The following CGGBP1 variants were observed in gnomAD, a reference collection of about 807,000 sequenced individuals.
CGGBP1 encodes the protein CGG triplet repeat-binding protein 1.
A neutral mutation model predicts 11.4 loss-of-function variants in CGGBP1; 4 were observed. The ratio of observed to expected loss-of-function variants is 0.35; its 90% CI spans 0.17 to 0.80. The LOEUF is 0.80. Ranked by LOEUF, CGGBP1 falls within the 30% of genes least tolerant of loss-of-function variation. The pLI, the probability that CGGBP1 is intolerant of heterozygous loss-of-function variation, is 0.52. For synonymous variants in CGGBP1, 76 were observed against 74.1 expected (o/e 1.03, Z -0.13); for missense variants, 135 against 202.1 (o/e 0.67, Z 2.01).
chr3:88,140,178 A>C (rs771937801), intron 2 of CGGBP1: 1 of 1,613,840 alleles, frequency 6.2e-7, no homozygotes, highest in Admixed American at 1.7e-5. Flanking sequence ...CCAGCACACA[A>C]AAAGTCACAG....
chr3:88,092,302 T>G (rs1030044191), intron 2 of CGGBP1, among the ~76,000 whole-genome samples: 1 of 152,166 alleles, frequency 6.6e-6, no homozygotes, highest in Non-Finnish European at 1.5e-5. Context: ...CTTCTAGGGA[T>G]AAAATAGAAT....
intron 2 of CGGBP1, among the ~76,000 whole-genome samples, chr3:88,064,293 G>A (rs9865990): frequency 0.78 from 119,065 of 151,968 alleles, 47,564 homozygotes; most frequent in South Asian, 0.91. Flanking sequence ...CCTAGTACAG[G>A]AAGGAGATAG....
chr3:88,054,294 C>T lies in CGGBP1; in HGVS notation c.*1179G>A, dbSNP rs1396217275. On this transcript the variant is annotated 3_prime_UTR_variant, in exon 4 of 4. Coordinates refer to ENST00000482016, the MANE Select transcript of CGGBP1 (RefSeq NM_001008390.2). ...TCTGATAGAACTTAGCTGGGCTAAG[C>T]TACTTGGATAACCTTACAGGATAGT... 1 of 152,394 alleles carries T rather than the reference C, an allele frequency of 6.6e-6. No individual in the cohort carries two copies. Among genetic ancestry groups the T allele is most frequent in the African/African-American group, 2.4e-5 (1 of 41,428 alleles). The allele number at this position is 152,394 out of a possible 1,614,324, so 9.4% of individuals were successfully genotyped here. A position where few individuals can be genotyped will look rare whatever the true frequency, so the allele number is the denominator to read the frequency against.
chr3:88,083,958 TATATATA>T (rs1336951828), intron 2 of CGGBP1, among the ~76,000 whole-genome samples: 4 of 40,630 alleles, frequency 9.8e-5, no homozygotes, highest in Non-Finnish European at 2.6e-4. Flanking sequence ...TATATATATA[TATATATA>T]TAGAAAATAT....
chr3:88,095,584 A>G (rs1346602440), intron 2 of CGGBP1: 2 of 521,476 alleles, frequency 3.8e-6, no homozygotes, highest in African/African-American at 1.9e-5. Flanking sequence ...AAATTGCCAC[A>G]GGAATCTGTT....
chr3:88,063,735 G>A (rs141598716), upstream of CGGBP1, among the ~76,000 whole-genome samples: 236 of 152,224 alleles, frequency 1.6e-3, 2 homozygotes, highest in East Asian at 9.9e-3. Flanking sequence ...AAACAAGGTG[G>A]GCATTTATTA....
chr3:88,114,646 G>C (rs1705282184), intron 2 of CGGBP1, among the ~76,000 whole-genome samples: 1 of 152,040 alleles, frequency 6.6e-6, no homozygotes, highest in Non-Finnish European at 1.5e-5. Context: ...TTCCTACTCT[G>C]AATTTCCTTG....
chr3:88,108,968 G>T (rs1704913341), intron 2 of CGGBP1, among the ~76,000 whole-genome samples: 1 of 152,100 alleles, frequency 6.6e-6, no homozygotes, highest in African/African-American at 2.4e-5. Context: ...AAGCCACATG[G>T]TGCATGTTAA....
At chr3:88,088,192 G>A (rs563239681) in intron 2 of CGGBP1, among the ~76,000 whole-genome samples, 36 of 152,140 alleles carry the variant, frequency 2.4e-4, no homozygotes, top group African/African-American at 7.0e-4. Context: ...ACTTAATTAC[G>A]CTAAAGAAAA....
chr3:88,082,219 C>T (rs553719591), intron 2 of CGGBP1, among the ~76,000 whole-genome samples: 31 of 151,968 alleles, frequency 2.0e-4, no homozygotes, highest in African/African-American at 6.0e-4. Context: ...CTCTGCCTCC[C>T]GGGTTCAAGT....
intron 2 of CGGBP1, among the ~76,000 whole-genome samples, chr3:88,106,906 A>G (rs1019150842): frequency 6.6e-6 from 1 of 152,130 alleles, no homozygotes; most frequent in African/African-American, 2.4e-5. Context: ...TTTTTATCGT[A>G]TACTAAATTT....
chr3:88,118,302 G>A (rs1705536486), intron 2 of CGGBP1, among the ~76,000 whole-genome samples: 1 of 152,084 alleles, frequency 6.6e-6, no homozygotes, highest in Non-Finnish European at 1.5e-5. Context: ...GGAGTTAGGA[G>A]GTGGTATGGG....
upstream of CGGBP1, among the ~76,000 whole-genome samples, chr3:88,063,192 C>G (rs1004415547): frequency 2.6e-5 from 4 of 152,084 alleles, no homozygotes; most frequent in Non-Finnish European, 4.4e-5. Context: ...TCCTGCAGTG[C>G]ACAGGATGGC....
chr3:88,119,549 TAA>T (rs56122963), intron 2 of CGGBP1, among the ~76,000 whole-genome samples: 1 of 142,074 alleles, frequency 7.0e-6, no homozygotes, highest in Non-Finnish European at 1.6e-5. Flanking sequence ...AATAATAAAT[TAA>T]AAAAAAAAAA....
intron 1 of CGGBP1, chr3:88,141,763 C>T: frequency 1.3e-6 from 1 of 778,012 alleles, no homozygotes; most frequent in Non-Finnish European, 2.0e-6. Context: ...TTAGAGTGGT[C>T]TTGGATTACT....
intron 2 of CGGBP1, among the ~76,000 whole-genome samples, chr3:88,109,624 A>C (rs533394578): frequency 1.3e-5 from 2 of 152,286 alleles, no homozygotes; most frequent in Admixed American, 1.3e-4. Context: ...CAGAAGTCTA[A>C]GAGTTTGTTT....
chr3:88,148,850 G>A (rs978829331), intron 1 of CGGBP1, among the ~76,000 whole-genome samples: 1 of 152,116 alleles, frequency 6.6e-6, no homozygotes, highest in Admixed American at 6.5e-5. Flanking sequence ...TATGTTGGCC[G>A]GGCTGGTCTC....
chr3:88,057,837 C>T (rs1364456680), intron 2 of CGGBP1, 182 bp downstream of exon 2: 1 of 152,190 alleles, frequency 6.6e-6, no homozygotes, highest in Non-Finnish European at 1.5e-5. Context: ...GGCAAATTTC[C>T]ACCCAGTAGA....
Position 88,055,466 on chromosome 3 carries a change from C to T in CGGBP1, c.*7G>A, listed in dbSNP as rs368345801. 1.3e-6 allele frequency: 2 copies of T among 1,512,628 alleles called. No homozygotes were observed. Among genetic ancestry groups the T allele is most frequent in the Non-Finnish European group, 1.8e-6 (2 of 1,130,010 alleles). The allele number at this position is 1,512,628 out of a possible 1,614,324, so 93.7% of individuals were successfully genotyped here. On this transcript the variant is annotated 3_prime_UTR_variant, in exon 4 of 4. Transcript: ENST00000482016. The surrounding 1 kb of genome is among the most constrained non-coding windows in gnomAD (Gnocchi z 4.2). ...TTATCTTGATCACAATGGTGGTAAC[C>T]TCCTAGTCAACAATCTTGTGAGTTG...
Sources: allele counts gnomAD v4.1 joint callset (sites outside exome capture counted in the v4.1 genomes callset), GRCh38; gene constraint gnomAD v4.1.1; non-coding constraint Gnocchi (gnomAD v3.1); transcripts MANE v1.5; gene names NCBI Gene and HGNC (gene_info 2026-07-23, HGNC 2026-07-21).